Variants in MAP3K15 observed in about 807,000 individuals in gnomAD.
MAP3K15 encodes mitogen-activated protein kinase kinase kinase 15, also known as MAPK/ERK kinase kinase 15.
Under a neutral mutation model 99.5 loss-of-function variants are expected in MAP3K15, and 124 were observed. The observed-to-expected ratio is 1.25, with a 90% CI of 1.08 to 1.45. The LOEUF (loss-of-function observed/expected upper bound fraction) is 1.45, where lower values mean the gene tolerates loss of function less well. Among genes scored for constraint, MAP3K15 ranks in the 40% most tolerant of loss-of-function variants. The probability of loss-of-function intolerance (pLI) is 0.00; values close to 1 mark genes in which losing one functional copy is unlikely to be tolerated. For synonymous variants in MAP3K15, 494 were observed against 439.6 expected, an observed-to-expected ratio of 1.12 and a Z score of -1.55; for missense variants, 1,242 against 1,079.7, an observed-to-expected ratio of 1.15 and a Z score of -2.11.
At chrX:19,363,182 G>A (rs1184761417) in intron 25 of MAP3K15, among the ~76,000 whole-genome samples, 4 of 112,138 alleles carry the variant, frequency 3.6e-5, no homozygotes, top group African/African-American at 1.3e-4. Context: ...CAAGGTGATG[G>A]TGTTAGGAGA....
chrX:19,362,986 G>C, intron 25 of MAP3K15, 136 bp from the exon 26 acceptor site: 1 of 390,907 alleles, frequency 2.6e-6, no homozygotes, highest in Admixed American at 4.6e-5. Context: ...AGTCAGCCTA[G>C]AGAGGGAAGC....
At chrX:19,383,052 G>A (rs1164238677) in intron 18 of MAP3K15, among the ~76,000 whole-genome samples, 2 of 111,004 alleles carry the variant, frequency 1.8e-5, no homozygotes, top group African/African-American at 6.6e-5. Flanking sequence ...CCAGTCTCCC[G>A]CTGTGTGTCA....
At chrX:19,371,267 G>A in intron 23 of MAP3K15, 78 bp downstream of exon 23, 2 of 1,024,220 alleles carry the variant, frequency 2.0e-6, no homozygotes, top group Non-Finnish European at 2.7e-6. Context: ...CAGTTAAGAA[G>A]AGATGGGGGC....
At chrX:19,463,040 G>T (rs1346415186) in intron 4 of MAP3K15, among the ~76,000 whole-genome samples, 2 of 112,102 alleles carry the variant, frequency 1.8e-5, no homozygotes, top group Admixed American at 1.9e-4. Flanking sequence ...CTACCTCCTT[G>T]TCAGACTTGA....
At position 19,373,687 on chromosome X, in the gene MAP3K15, G is replaced by A. The variant is rs371974908; in HGVS notation, c.2782C>T (p.Arg928Cys). 56 of 1,197,079 alleles carry A rather than the reference G, an allele frequency of 4.7e-5. No homozygotes were observed. The highest frequency in any genetic ancestry group is 1.8e-4 in the African/African-American group (10 of 57,008). The change falls in exon 21 of 29, where the codon CGC becomes TGC. Residue 928 changes from arginine (R) to cysteine (C), a missense_variant. By Grantham distance (180) the Arg-to-Cys change is radical. Transcript: ENST00000338883. The part of the protein sequence containing the change: ...RIAFKPSEGP[R>C]GVVLALPTQG... ...GTGGGCAGGGCCAGGACGACACCGC[G>A]GGGACCTTCTGTAGGGGGACAGCCA... is the stretch of plus-strand genomic sequence containing the variant.
At chrX:19,444,517 A>C (rs896828136) in intron 6 of MAP3K15, among the ~76,000 whole-genome samples, 22 of 112,126 alleles carry the variant, frequency 2.0e-4, no homozygotes, top group African/African-American at 7.1e-4. Flanking sequence ...GCATTAAAAA[A>C]ATAGAACCAC....
Position 19,425,554 on chromosome X carries a change from C to G in MAP3K15, c.1416G>C (p.Leu472Phe), listed in dbSNP as rs778202455. The change falls in exon 9 of 29, where the codon TTG becomes TTC. Residue 472 changes from leucine (L) to phenylalanine (F), a missense_variant. Leu to Phe is a conservative substitution (Grantham distance 22). Transcript: ENST00000338883. Reference sequence around the variant, plus strand: ...ACCAGACTGGAGGTTTCAGTTTGAACAACCTCTCTGCTGCCTGGACGGCTT... The same window carrying G: ...ACCAGACTGGAGGTTTCAGTTTGAAGAACCTCTCTGCTGCCTGGACGGCTT... ...VGKAVQAAERLFKLKPPVWYL... is the reference protein window; with the variant it reads ...VGKAVQAAERFFKLKPPVWYL... 8.3e-7 allele frequency: 1 copy of G among 1,197,735 alleles called. No homozygotes were observed. Among genetic ancestry groups the G allele is most frequent in the South Asian group, 1.8e-5 (1 of 56,220 alleles).
intron 9 of MAP3K15, among the ~76,000 whole-genome samples, chrX:19,418,243 C>T (rs1025938772): frequency 1.1e-4 from 12 of 110,819 alleles, no homozygotes; most frequent in African/African-American, 2.0e-4. Flanking sequence ...CAAACTACTC[C>T]GAGCTAAAGG....
At chrX:19,504,598 T>C (rs2064463096) in intron 1 of MAP3K15, among the ~76,000 whole-genome samples, 1 of 111,569 alleles carries the variant, frequency 9.0e-6, no homozygotes, top group Admixed American at 9.6e-5. Flanking sequence ...TATCTTTTGT[T>C]TAAAAAAAAG....
Position 19,361,494 on chromosome X carries a change from T to A in MAP3K15, c.3779A>T (p.Lys1260Met), listed in dbSNP as rs989329615. 1.7e-6 allele frequency: 2 copies of A among 1,207,899 alleles called. No homozygotes were observed. Among genetic ancestry groups the A allele is most frequent in the Non-Finnish European group, 2.2e-6 (2 of 892,009 alleles). Reference protein sequence around the residue: ...LQGADAKTIEKIVEEGYTLSD... With the variant: ...LQGADAKTIEMIVEEGYTLSD... ...AGAATTTCTTTGTTGTAAATTTACCTTTTCAATTGTCTTTGCATCAGCTCC... is the reference window on the plus strand; with the variant it reads ...AGAATTTCTTTGTTGTAAATTTACCATTTCAATTGTCTTTGCATCAGCTCC... The change falls in exon 27 of 29, where the codon AAG (lysine) becomes ATG (methionine). Residue 1260 changes from lysine (K) to methionine (M), a missense_variant and splice_region_variant. Transcript: ENST00000338883.
In MAP3K15 at chrX:19,482,876, C is replaced by T. The variant is rs147174023; in HGVS notation, c.525+3606G>A. 3.8e-3 allele frequency among the ~76,000 whole-genome samples: 416 copies of T among 110,914 alleles called. 3 individuals carry two copies. Among genetic ancestry groups the T allele is most frequent in the African/African-American group, 0.013 (400 of 30,518 alleles). ...CCATGTTTCCAAAGAGCAAAGAAAC[C>T]CAGAAGAGCTGCAGGTGGTCCACCC... On this transcript the variant is annotated intron_variant, in intron 3 of 28. Coordinates refer to ENST00000338883, the MANE Select transcript of MAP3K15 (RefSeq NM_001001671.4).
intron 18 of MAP3K15, among the ~76,000 whole-genome samples, chrX:19,390,455 A>G (rs2147243907): frequency 9.7e-6 from 1 of 103,279 alleles, no homozygotes; most frequent in Non-Finnish European, 2.0e-5. Context: ...CCATAGGCGC[A>G]CACCACCACA....
In MAP3K15 at chrX:19,430,897, G is replaced by A. The variant is rs150755717; in HGVS notation, c.1166+541C>T. 7.1e-3 allele frequency among the ~76,000 whole-genome samples: 780 copies of A among 110,431 alleles called. 3 individuals carry two copies. Among genetic ancestry groups the A allele is most frequent in the Non-Finnish European group, 0.011 (593 of 52,735 alleles). ...ATTTAAAATTGCAGACCACCCCTCC[G>A]AGCCCTCCTTTATCCCCTTCCCTGC... On this transcript the variant is annotated intron_variant, in intron 7 of 28. Transcript: ENST00000338883.
chrX:19,460,050 C>A lies in MAP3K15; in HGVS notation c.823G>T (p.Asp275Tyr). 1 of 1,194,967 alleles carries A rather than the reference C, an allele frequency of 8.4e-7. No individual in the cohort carries two copies. Among genetic ancestry groups the A allele is most frequent in the Non-Finnish European group, 1.1e-6 (1 of 891,900 alleles). The part of the protein sequence containing the change: ...KELARIKLRM[D>Y]NTEVLTSDII... ...TCTGAGGTCAGAACCTCAGTATTAT[C>A]CATGCGGAGCTTGATCCGAGCTAGC... Residue 275 changes from aspartate (D) to tyrosine (Y), a missense_variant, in exon 5 of 29, where the codon GAT becomes TAT. Coordinates refer to ENST00000338883, the MANE Select transcript of MAP3K15 (RefSeq NM_001001671.4).
intron 6 of MAP3K15, among the ~76,000 whole-genome samples, chrX:19,441,308 T>C (rs911842953): frequency 9.6e-6 from 1 of 103,717 alleles, no homozygotes; most frequent in Non-Finnish European, 2.0e-5. Flanking sequence ...TGCTTAGGAA[T>C]AGGGGGGGAA....
intron 3 of MAP3K15, among the ~76,000 whole-genome samples, chrX:19,472,384 T>C (rs1172841895): frequency 1.8e-5 from 2 of 111,564 alleles, no homozygotes; most frequent in African/African-American, 6.5e-5. Context: ...AAAGATAGTA[T>C]AATTGCAAAT....
intron 3 of MAP3K15, among the ~76,000 whole-genome samples, chrX:19,474,544 G>GGC (rs1555963000): frequency 2.1e-5 from 2 of 96,156 alleles, no homozygotes; most frequent in African/African-American, 7.6e-5. Flanking sequence ...CTTGGAGGTT[G>GGC]GGGGGGGGGG....
chrX:19,471,269 A>ATTT (rs3057535), intron 3 of MAP3K15, among the ~76,000 whole-genome samples: 1 of 102,311 alleles, frequency 9.8e-6, no homozygotes, highest in Non-Finnish European at 2.0e-5. Flanking sequence ...CCTAAATATG[A>ATTT]TTTTTTTTTT....
chrX:19,389,878 T>C (rs1443850023), intron 18 of MAP3K15, among the ~76,000 whole-genome samples: 1 of 111,911 alleles, frequency 8.9e-6, no homozygotes, highest in Non-Finnish European at 1.9e-5. Flanking sequence ...TAAAAGAAAA[T>C]GAAGTGCTAG....
Sources: gnomAD v4.1 joint callset for allele counts (sites outside exome capture counted in the v4.1 genomes callset) on GRCh38, gnomAD v4.1.1 for gene constraint, MANE v1.5 for transcripts, NCBI Gene and HGNC (gene_info 2026-07-23, HGNC 2026-07-21) for gene names.